Variants in SDK2 observed in about 807,000 individuals in gnomAD.
The protein encoded by SDK2 is protein sidekick-2.
In SDK2, 105 loss-of-function variants were observed where a neutral mutation model predicts 253.9. The ratio of observed to expected loss-of-function variants is 0.41; its 90% CI spans 0.35 to 0.49. The LOEUF (loss-of-function observed/expected upper bound fraction) is 0.49, where lower values mean the gene tolerates loss of function less well. Among genes scored for constraint, SDK2 ranks in the 20% least tolerant of loss-of-function variants. The pLI, the probability that SDK2 is intolerant of heterozygous loss-of-function variation, is 0.06. For synonymous variants in SDK2, 1,249 were observed against 1,234.9 expected (o/e 1.01, Z -0.24); for missense variants, 2,608 against 3,003.0 (o/e 0.87, Z 3.07).
At chr17:73,478,703 G>A (rs1016210241) in intron 2 of SDK2, among the ~76,000 whole-genome samples, 1 of 152,214 alleles carries the variant, frequency 6.6e-6, no homozygotes, top group Non-Finnish European at 1.5e-5. Flanking sequence ...AACACACAAT[G>A]CCCTTTTTGG....
intron 1 of SDK2, among the ~76,000 whole-genome samples, chr17:73,528,700 C>T (rs538658457): frequency 6.6e-6 from 1 of 152,226 alleles, no homozygotes; most frequent in African/African-American, 2.4e-5. Context: ...TCTGTTGACT[C>T]TTTGACACTG....
rs778535816 is a variant in SDK2 at position 73,379,564 on chromosome 17, G to A, written c.4763-15C>T. ...CTTGTTCAGGTCTGTGGGGGAGAGT[G>A]GGGGAGGGGAAGCACACTGAGGTCA... On this transcript the variant is annotated splice_polypyrimidine_tract_variant and intron_variant, in intron 34 of 44. Transcript: ENST00000392650. This position sits in a 1 kb window ranked among gnomAD's most constrained non-coding sequence, Gnocchi z 4.5. 1 of 1,538,950 alleles carries A rather than the reference G, an allele frequency of 6.5e-7. No homozygotes were observed. The highest frequency in any genetic ancestry group is 9.0e-7 in the Non-Finnish European group (1 of 1,116,678).
chr17:73,408,394 T>A (rs57155011), intron 18 of SDK2, among the ~76,000 whole-genome samples: 9,523 of 37,688 alleles, frequency 0.25, 999 homozygotes, highest in African/African-American at 0.42. Context: ...TTTTTTTTTT[T>A]TTAATATTTT....
chr17:73,354,805 C>T (rs1453006163), intron 40 of SDK2, among the ~76,000 whole-genome samples: 2 of 152,152 alleles, frequency 1.3e-5, no homozygotes, highest in East Asian at 3.9e-4. Flanking sequence ...TCTGCTTCTG[C>T]ACCCTCTGGT....
intron 1 of SDK2, among the ~76,000 whole-genome samples, chr17:73,566,319 A>G (rs12600883): frequency 0.19 from 26,688 of 138,878 alleles, 3,053 homozygotes; most frequent in African/African-American, 0.34. Flanking sequence ...TTATATATAT[A>G]TGTGTGTGTG....
rs149101913 is a variant in SDK2, at chr17:73,386,140, C to T, written c.4499-223G>A. On this transcript the variant is annotated intron_variant, in intron 31 of 44. Coordinates refer to ENST00000392650, the MANE Select transcript of SDK2 (RefSeq NM_001144952.2). ...GCCCAAACCCAAGGGTCCCAGAGCC[C>T]CCTCCGCTCTGCTCCTCAGAGCCAT... 2.3e-3 allele frequency among the ~76,000 whole-genome samples: 348 copies of T among 152,286 alleles called. 1 individual carries two copies. The highest frequency in any genetic ancestry group is 8.1e-3 in the African/African-American group (335 of 41,566).
chr17:73,350,032 G>C (rs2062520385), intron 43 of SDK2, among the ~76,000 whole-genome samples: 1 of 152,166 alleles, frequency 6.6e-6, no homozygotes, highest in Non-Finnish European at 1.5e-5. Context: ...CTGTGATTGG[G>C]CATGGTGGGG....
At chr17:73,358,721 G>A (rs1367844671) in intron 39 of SDK2, among the ~76,000 whole-genome samples, 1 of 152,056 alleles carries the variant, frequency 6.6e-6, no homozygotes, top group African/African-American at 2.4e-5. Context: ...GTGATATGAT[G>A]TCCGCCCTCC....
intron 2 of SDK2, among the ~76,000 whole-genome samples, chr17:73,494,197 A>G (rs758074180): frequency 6.6e-6 from 1 of 152,236 alleles, no homozygotes; most frequent in Non-Finnish European, 1.5e-5. Flanking sequence ...TCCAAGCAGC[A>G]CTGCACGGAG....
intron 18 of SDK2, among the ~76,000 whole-genome samples, chr17:73,409,532 A>C (rs2145553621): frequency 6.6e-6 from 1 of 152,210 alleles, no homozygotes; most frequent in African/African-American, 2.4e-5. Context: ...TGGGAGGCTG[A>C]GGCACAAGAA....
chr17:73,605,641 C>A (rs1378282913), intron 1 of SDK2, among the ~76,000 whole-genome samples: 1 of 152,182 alleles, frequency 6.6e-6, no homozygotes, highest in Non-Finnish European at 1.5e-5. Flanking sequence ...GTTACCTAAT[C>A]CTGGATGAGT....
At chr17:73,423,636 C>T (rs867326339) in intron 13 of SDK2, 114 bp from the exon 14 acceptor site, 69 of 1,264,258 alleles carry the variant, frequency 5.5e-5, no homozygotes, top group African/African-American at 1.2e-4. Flanking sequence ...CATGCTTAGA[C>T]GTAAAATGTG....
intron 1 of SDK2, among the ~76,000 whole-genome samples, chr17:73,637,949 G>A (rs1394565107): frequency 1.3e-5 from 2 of 152,186 alleles, no homozygotes; most frequent in Admixed American, 6.5e-5. Context: ...AAAATGACCA[G>A]AAAATCTGAG....
At chr17:73,426,724 C>T (rs951295251) in intron 12 of SDK2, among the ~76,000 whole-genome samples, 7 of 152,182 alleles carry the variant, frequency 4.6e-5, no homozygotes, top group Non-Finnish European at 1.0e-4. Context: ...GACTTGCCAG[C>T]ACTCACAGGA....
chr17:73,638,626 T>G (rs2046360884), intron 1 of SDK2, among the ~76,000 whole-genome samples: 2 of 147,318 alleles, frequency 1.4e-5, no homozygotes, highest in African/African-American at 5.1e-5. Context: ...GCAGGGGGAG[T>G]GAGGAGATGA....
chr17:73,556,854 G>T (rs1466598272), intron 1 of SDK2, among the ~76,000 whole-genome samples: 1 of 152,126 alleles, frequency 6.6e-6, no homozygotes. Context: ...GTAAAATGGG[G>T]GTGATGATGA....
intron 1 of SDK2, among the ~76,000 whole-genome samples, chr17:73,622,100 A>G (rs575770779): frequency 1.4e-4 from 21 of 152,356 alleles, no homozygotes; most frequent in African/African-American, 5.1e-4. Context: ...CCATGTGTCC[A>G]CTAGAGTCAG....
intron 1 of SDK2, among the ~76,000 whole-genome samples, chr17:73,523,206 C>T (rs2064097000): frequency 6.6e-6 from 1 of 152,078 alleles, no homozygotes; most frequent in African/African-American, 2.4e-5. Flanking sequence ...CTGTCCCCTT[C>T]CAAGTCTAGG....
At chr17:73,602,929 T>G (rs537835667) in intron 1 of SDK2, among the ~76,000 whole-genome samples, 65 of 152,164 alleles carry the variant, frequency 4.3e-4, no homozygotes, top group Non-Finnish European at 7.6e-4. Context: ...TTTACCATAT[T>G]GATCAGGCTG....
Sources: allele counts gnomAD v4.1 joint callset (sites outside exome capture counted in the v4.1 genomes callset), GRCh38; gene constraint gnomAD v4.1.1; non-coding constraint Gnocchi (gnomAD v3.1); transcripts MANE v1.5; gene names NCBI Gene and HGNC (gene_info 2026-07-23, HGNC 2026-07-21).